The following CTDSPL variants were observed in gnomAD, a reference collection of about 807,000 sequenced individuals.
CTDSPL encodes CTD small phosphatase-like protein.
In CTDSPL, 8 loss-of-function variants were observed where a neutral mutation model predicts 30.5. That is an observed-to-expected ratio of 0.26 (90% CI 0.15 to 0.47). The LOEUF is 0.47. Among genes scored for constraint, CTDSPL ranks in the 20% least tolerant of loss-of-function variants. The probability of loss-of-function intolerance (pLI) is 0.99; values close to 1 mark genes in which losing one functional copy is unlikely to be tolerated. For synonymous variants in CTDSPL, 110 were observed against 137.9 expected, an observed-to-expected ratio of 0.80 and a Z score of 1.42; for missense variants, 248 against 366.1, an observed-to-expected ratio of 0.68 and a Z score of 2.63.
At chr3:37,921,493 T>C (rs371144998) in intron 1 of CTDSPL, among the ~76,000 whole-genome samples, 4 of 152,268 alleles carry the variant, frequency 2.6e-5, no homozygotes, top group East Asian at 1.9e-4. Flanking sequence ...TCCCCCTAGT[T>C]TGAGAGTTCC....
chr3:37,878,018 A>G (rs1426492409), intron 1 of CTDSPL, among the ~76,000 whole-genome samples: 1 of 152,136 alleles, frequency 6.6e-6, no homozygotes, highest in Non-Finnish European at 1.5e-5. Flanking sequence ...TATCACCTCC[A>G]TACTGTTTTC....
At chr3:37,869,262 T>G (rs1229818231) in intron 1 of CTDSPL, among the ~76,000 whole-genome samples, 2 of 152,114 alleles carry the variant, frequency 1.3e-5, no homozygotes, top group Admixed American at 1.3e-4. Flanking sequence ...CTCAAACATT[T>G]ATCATTTCTT....
intron 6 of CTDSPL, among the ~76,000 whole-genome samples, chr3:37,972,945 C>T (rs780682810): frequency 1.8e-4 from 28 of 152,190 alleles, no homozygotes; most frequent in Non-Finnish European, 3.4e-4. Context: ...TGCTTCTGGA[C>T]GGTGCCCTGA....
At chr3:37,900,868 G>A (rs550814938) in intron 1 of CTDSPL, among the ~76,000 whole-genome samples, 2 of 151,972 alleles carry the variant, frequency 1.3e-5, no homozygotes, top group African/African-American at 4.8e-5. Flanking sequence ...GCACAATCTC[G>A]GCTTACTGCA....
In CTDSPL at chr3:37,892,599, G is replaced by A. The variant is rs976363411; in HGVS notation, c.79+30321G>A. ...TTTAATCCAGTTGGAATTCTAAAGG[G>A]TATCTCCACTTCTGAAGGTTGCCAG... On this transcript the variant is annotated intron_variant, in intron 1 of 7. Coordinates refer to ENST00000273179, the MANE Select transcript of CTDSPL (RefSeq NM_001008392.2). Among the ~76,000 whole-genome samples, 90 of 151,826 alleles carry A rather than the reference G, an allele frequency of 5.9e-4. 1 individual carries two copies. Among genetic ancestry groups the A allele is most frequent in the Admixed American group, 4.6e-4 (7 of 15,242 alleles).
chr3:37,973,329 A>C (rs1367460214), intron 6 of CTDSPL, among the ~76,000 whole-genome samples: 7 of 152,248 alleles, frequency 4.6e-5, no homozygotes. Context: ...CACCAATAGC[A>C]GTGAAGTGAG....
At chr3:37,969,269 G>T in intron 5 of CTDSPL, 1 of 438,096 alleles carries the variant, frequency 2.3e-6, no homozygotes. Context: ...ACCCATTCTT[G>T]CAGGAGCTCC....
chr3:37,863,364 C>G (rs1697968201), intron 1 of CTDSPL, among the ~76,000 whole-genome samples: 1 of 152,204 alleles, frequency 6.6e-6, no homozygotes, highest in African/African-American at 2.4e-5. Flanking sequence ...TGTCCTTTCT[C>G]TTGGTGTCTG....
intron 1 of CTDSPL, among the ~76,000 whole-genome samples, chr3:37,890,077 C>T (rs569570767): frequency 2.0e-5 from 3 of 152,274 alleles, no homozygotes; most frequent in African/African-American, 7.2e-5. Context: ...CACAGGAAAA[C>T]AGCCATGAGA....
chr3:37,864,238 C>A lies in CTDSPL; in HGVS notation c.79+1960C>A, dbSNP rs144200081. Among the ~76,000 whole-genome samples the A allele has an allele frequency of 2.4e-3, 370 of 152,312 alleles. 4 individuals carry two copies. The highest frequency in any genetic ancestry group is 8.5e-3 in the African/African-American group (352 of 41,566). On this transcript the variant is annotated intron_variant, in intron 1 of 7. Transcript: ENST00000273179. ...GAGCCTCAGACCTCCTGCTGCCCCC[C>A]ACCTGACTCCAGGAGCAGGAGCAGG...
intron 1 of CTDSPL, among the ~76,000 whole-genome samples, chr3:37,909,628 A>T (rs1417242810): frequency 1.3e-5 from 2 of 152,232 alleles, no homozygotes; most frequent in Non-Finnish European, 2.9e-5. Context: ...ATGTTCCTTT[A>T]GTCAACAGCA....
intron 1 of CTDSPL, among the ~76,000 whole-genome samples, chr3:37,882,685 G>A (rs1698221342): frequency 6.6e-6 from 1 of 152,066 alleles, no homozygotes; most frequent in East Asian, 1.9e-4. Context: ...AAATATTACT[G>A]CCTTCACATA....
intron 1 of CTDSPL, among the ~76,000 whole-genome samples, chr3:37,905,966 C>G (rs1280133390): frequency 2.0e-5 from 3 of 152,202 alleles, no homozygotes; most frequent in South Asian, 2.1e-4. Flanking sequence ...GTTCTCAGCT[C>G]AGCTCTGCAA....
At position 37,862,456 on chromosome 3, in the gene CTDSPL, C is replaced by T. The variant is rs1697953847; in HGVS notation, c.79+178C>T. ...TGCCAGAGTGCGTGTGCCGACTGAG[C>T]CAGTGTGAGTGTGCAGGGGCTGGCG... On this transcript the variant is annotated intron_variant, in intron 1 of 7. Coordinates refer to ENST00000273179, the MANE Select transcript of CTDSPL (RefSeq NM_001008392.2). The surrounding 1 kb of genome is among the most constrained non-coding windows in gnomAD (Gnocchi z 4.3). 6.6e-6 allele frequency among the ~76,000 whole-genome samples: 1 copy of T among 152,050 alleles called. No individual in the cohort carries two copies.
At position 37,939,243 on chromosome 3, in the gene CTDSPL, A is replaced by G. The variant is rs550360196; in HGVS notation, c.80-7814A>G. On this transcript the variant is annotated intron_variant, in intron 1 of 7. Transcript: ENST00000273179. ...GCTGGTAGATTTTCTCTCTTACACA[A>G]ACATACATGTTTTCACTGTGCCCAT... Among the ~76,000 whole-genome samples the G allele has an allele frequency of 1.3e-4, 19 of 150,140 alleles. 1 individual carries two copies. Among genetic ancestry groups the G allele is most frequent in the Non-Finnish European group, 2.4e-4 (16 of 67,024 alleles).
At chr3:37,974,976 A>G (rs1452052934) in intron 6 of CTDSPL, among the ~76,000 whole-genome samples, 1 of 152,178 alleles carries the variant, frequency 6.6e-6, no homozygotes, top group African/African-American at 2.4e-5. Context: ...GGGCCCTGAC[A>G]AGGAGAGAGG....
chr3:37,979,981 ATTTC>A (rs1398478245), intron 7 of CTDSPL, among the ~76,000 whole-genome samples: 2 of 152,154 alleles, frequency 1.3e-5, no homozygotes, highest in African/African-American at 4.8e-5. Context: ...AGGCGTAGTC[ATTTC>A]TTTATTAGTC....
At chr3:37,907,652 G>A (rs933330995) in intron 1 of CTDSPL, among the ~76,000 whole-genome samples, 2 of 152,320 alleles carry the variant, frequency 1.3e-5, no homozygotes, top group South Asian at 2.1e-4. Flanking sequence ...GGAACTGTAC[G>A]TGTATCAGTG....
chr3:37,896,722 A>G (rs1378238431), intron 1 of CTDSPL, among the ~76,000 whole-genome samples: 2 of 152,078 alleles, frequency 1.3e-5, no homozygotes, highest in Non-Finnish European at 2.9e-5. Flanking sequence ...AATTTCCTGT[A>G]GAGGCAGAGC....
Sources: gnomAD v4.1 joint callset for allele counts (sites outside exome capture counted in the v4.1 genomes callset) on GRCh38, gnomAD v4.1.1 for gene constraint, Gnocchi (gnomAD v3.1) non-coding constraint, MANE v1.5 for transcripts, NCBI Gene and HGNC (gene_info 2026-07-23, HGNC 2026-07-21) for gene names.